Variants in NTNG1 observed in about 807,000 individuals in gnomAD.
The protein encoded by NTNG1 is netrin G1, also known as netrin-G1.
A neutral mutation model predicts 54.0 loss-of-function variants in NTNG1; 16 were observed. The observed-to-expected ratio is 0.30, with a 90% CI of 0.20 to 0.45. The LOEUF (loss-of-function observed/expected upper bound fraction) is 0.45, where lower values mean the gene tolerates loss of function less well. Among genes scored for constraint, NTNG1 ranks in the 20% least tolerant of loss-of-function variants. The pLI, the probability that NTNG1 is intolerant of heterozygous loss-of-function variation, is 1.00. For synonymous variants in NTNG1, 255 were observed against 263.1 expected (o/e 0.97, Z 0.30); for missense variants, 530 against 678.7 (o/e 0.78, Z 2.43).
chr1:107,372,998 C>T (rs1252695535), intron 3 of NTNG1, among the ~76,000 whole-genome samples: 1 of 152,044 alleles, frequency 6.6e-6, no homozygotes, highest in Non-Finnish European at 1.5e-5. Context: ...TTTCTGCACC[C>T]TTTTCGTGGG....
chr1:107,248,994 C>CAAAAAAAAAAAAAAA (rs1196454799), intron 2 of NTNG1, among the ~76,000 whole-genome samples: 2 of 109,110 alleles, frequency 1.8e-5, no homozygotes, highest in African/African-American at 6.7e-5. Flanking sequence ...ACTAAAAGTA[C>CAAAAAAAAAAAAAAA]AAAAAAAAAA....
intron 2 of NTNG1, among the ~76,000 whole-genome samples, chr1:107,250,152 T>G (rs577343859): frequency 6.6e-6 from 1 of 152,240 alleles, no homozygotes; most frequent in Non-Finnish European, 1.5e-5. Context: ...TCTTCATAGA[T>G]TTAATTCACT....
At chr1:107,359,867 G>T (rs1203733927) in intron 3 of NTNG1, among the ~76,000 whole-genome samples, 1 of 152,040 alleles carries the variant, frequency 6.6e-6, no homozygotes, top group Non-Finnish European at 1.5e-5. Context: ...ATAGAAAACA[G>T]TATTTTCTCC....
chr1:107,308,392 A>C (rs1228458901), intron 2 of NTNG1, among the ~76,000 whole-genome samples: 1 of 152,112 alleles, frequency 6.6e-6, no homozygotes, highest in Non-Finnish European at 1.5e-5. Flanking sequence ...ATGCCAGCAC[A>C]GTTTATTCAA....
chr1:107,318,729 G>A (rs1013655451), intron 2 of NTNG1, among the ~76,000 whole-genome samples: 3 of 152,066 alleles, frequency 2.0e-5, no homozygotes, highest in Non-Finnish European at 4.4e-5. Context: ...CATCCAATGG[G>A]GGGTCTTGGA....
chr1:107,480,878 G>A lies in NTNG1; in HGVS notation c.*38G>A. ...GCCACACCGGACGGGCCTGTGCCGT[G>A]GGGAAGCAGACACAACCCAAACATT... On this transcript the variant is annotated 3_prime_UTR_variant, in exon 8 of 8. Transcript: ENST00000370068. 2 of 1,482,308 alleles carry A rather than the reference G, an allele frequency of 1.3e-6. No homozygotes were observed. Among genetic ancestry groups the A allele is most frequent in the Non-Finnish European group, 1.8e-6 (2 of 1,087,866 alleles). The allele number at this position is 1,482,308 out of a possible 1,614,324, so 91.8% of individuals were successfully genotyped here. A position where few individuals can be genotyped will look rare whatever the true frequency, so the allele number is the denominator to read the frequency against.
At chr1:107,195,053 T>A (rs1334665090) in intron 2 of NTNG1, among the ~76,000 whole-genome samples, 1 of 152,004 alleles carries the variant, frequency 6.6e-6, no homozygotes, top group Non-Finnish European at 1.5e-5. Context: ...AAAGAAAATT[T>A]AAATTGTTTT....
At chr1:107,334,257 A>G (rs1006295455) in intron 3 of NTNG1, among the ~76,000 whole-genome samples, 3 of 152,078 alleles carry the variant, frequency 2.0e-5, no homozygotes, top group African/African-American at 4.8e-5. Flanking sequence ...ATGAATAACA[A>G]ATCAGAGCCC....
In NTNG1 at chr1:107,480,778, G is replaced by T; in HGVS notation, c.1558G>T (p.Gly520Cys). ...CTCTGGCCAGGGCGCGCCCCCGCAC[G>T]GCTCCCCAGCGCTGCTGCTGCTGAC... ...SDSGQGAPPH[G>C]SPALLLLTTL... Residue 520 changes from glycine (G) to cysteine (C), a missense_variant, in exon 8 of 8, where the codon GGC (glycine) becomes TGC (cysteine). Physicochemically the swap from Gly to Cys is radical, Grantham distance 159. This residue lies in a region of NTNG1 where 212 missense variants were observed against 213.6 expected (regional missense o/e 0.99). Coordinates refer to ENST00000370068, the MANE Select transcript of NTNG1 (RefSeq NM_001113226.3). The T allele has an allele frequency of 6.2e-7, 1 of 1,600,470 alleles. No homozygotes were observed. Among genetic ancestry groups the T allele is most frequent in the Admixed American group, 1.7e-5 (1 of 58,628 alleles).
At chr1:107,344,641 T>C (rs1046776273) in intron 3 of NTNG1, among the ~76,000 whole-genome samples, 3 of 152,164 alleles carry the variant, frequency 2.0e-5, no homozygotes, top group Non-Finnish European at 4.4e-5. Flanking sequence ...CATTCTGTTG[T>C]ATTTGTGAGG....
At chr1:107,461,550 T>C (rs1231619616) in intron 7 of NTNG1, among the ~76,000 whole-genome samples, 2 of 145,194 alleles carry the variant, frequency 1.4e-5, no homozygotes, top group African/African-American at 2.5e-5. Context: ...TTCTTTTTTT[T>C]TTCTTTTGAG....
At chr1:107,307,849 C>T (rs1666777481) in intron 2 of NTNG1, among the ~76,000 whole-genome samples, 1 of 152,150 alleles carries the variant, frequency 6.6e-6, no homozygotes. Flanking sequence ...TGGCATTTGT[C>T]CTTGGCCTTC....
chr1:107,267,949 C>T (rs556706315), intron 2 of NTNG1, among the ~76,000 whole-genome samples: 2 of 152,354 alleles, frequency 1.3e-5, no homozygotes, highest in African/African-American at 4.8e-5. Context: ...CTCTGCCCTT[C>T]TTTCCCATAC....
intron 3 of NTNG1, among the ~76,000 whole-genome samples, chr1:107,359,962 T>C (rs1176177104): frequency 6.6e-6 from 1 of 152,186 alleles, no homozygotes; most frequent in Non-Finnish European, 1.5e-5. Context: ...TCCCCAGATA[T>C]ATCTTATTTG....
intron 3 of NTNG1, among the ~76,000 whole-genome samples, chr1:107,364,734 T>G (rs1337279571): frequency 6.6e-6 from 1 of 152,228 alleles, no homozygotes; most frequent in Non-Finnish European, 1.5e-5. Context: ...CTTTGAATGC[T>G]TATCTACTCT....
chr1:107,434,377 A>C (rs566421724), intron 6 of NTNG1, among the ~76,000 whole-genome samples: 2 of 152,210 alleles, frequency 1.3e-5, no homozygotes, highest in Non-Finnish European at 2.9e-5. Context: ...CATGTCTCCA[A>C]AGATACATGT....
At chr1:107,213,328 G>A (rs886495673) in intron 2 of NTNG1, among the ~76,000 whole-genome samples, 3 of 152,028 alleles carry the variant, frequency 2.0e-5, no homozygotes, top group African/African-American at 4.8e-5. Flanking sequence ...ACAAGAAATC[G>A]TGTTAAAGGA....
intron 2 of NTNG1, among the ~76,000 whole-genome samples, chr1:107,200,654 C>T (rs1658680577): frequency 6.6e-6 from 1 of 151,764 alleles, no homozygotes; most frequent in Non-Finnish European, 1.5e-5. Flanking sequence ...AAATTAGGGT[C>T]ACTGGTTGCC....
chr1:107,255,347 G>T (rs1662863604), intron 2 of NTNG1, among the ~76,000 whole-genome samples: 1 of 152,152 alleles, frequency 6.6e-6, no homozygotes, highest in South Asian at 2.1e-4. Context: ...TTGCCCAAAG[G>T]AGAAGCAGCC....
Sources: allele counts gnomAD v4.1 joint callset (sites outside exome capture counted in the v4.1 genomes callset), GRCh38; gene constraint gnomAD v4.1.1; regional missense constraint gnomAD v4.1.1; transcripts MANE v1.5; gene names NCBI Gene and HGNC (gene_info 2026-07-23, HGNC 2026-07-21).